The following RAB8A variants were observed in gnomAD, a reference collection of about 807,000 sequenced individuals.
RAB8A encodes the protein RAB8A, member RAS oncogene family.
Under a neutral mutation model 29.2 loss-of-function variants are expected in RAB8A, and 5 were observed. The observed-to-expected ratio is 0.17, with a 90% CI of 0.09 to 0.36. RAB8A has a LOEUF of 0.36. Among genes scored for constraint, RAB8A ranks in the 10% least tolerant of loss-of-function variants. The pLI is 1.00. For missense variants in RAB8A, 171 were observed against 272.2 expected, an observed-to-expected ratio of 0.63 and a Z score of 2.62; for synonymous variants, 108 against 99.9, an observed-to-expected ratio of 1.08 and a Z score of -0.49.
chr19:16,125,399 C>A lies in RAB8A; in HGVS notation c.247-71C>A. The A allele has an allele frequency of 7.3e-7, 1 of 1,365,742 alleles. No individual in the cohort carries two copies. Among genetic ancestry groups the A allele is most frequent in the Non-Finnish European group, 1.0e-6 (1 of 967,936 alleles). 84.6% of individuals were successfully genotyped at this position (1,365,742 alleles called of 1,614,324 possible). Reference sequence around the variant, plus strand: ...GTGCTGGGCTCCCCACCACTGTTCTCTGGTGCCGCTGAGGCCTCCCTTCCA... The same window carrying A: ...GTGCTGGGCTCCCCACCACTGTTCTATGGTGCCGCTGAGGCCTCCCTTCCA... On this transcript the variant is annotated intron_variant, in intron 3 of 7. Transcript: ENST00000300935. This position sits in a 1 kb window ranked among gnomAD's most constrained non-coding sequence, Gnocchi z 5.0.
chr19:16,131,854 GGTT>G (rs2090925867), intron 7 of RAB8A, among the ~76,000 whole-genome samples: 1 of 560 alleles, frequency 1.8e-3, no homozygotes, highest in African/African-American at 8.2e-3. Flanking sequence ...ATAGATGGAT[GGTT>G]GGTTGGTTGG....
chr19:16,132,322 T>C lies in RAB8A; in HGVS notation c.*18T>C. The C allele has an allele frequency of 6.2e-7, 1 of 1,611,318 alleles. No individual in the cohort carries two copies. Among genetic ancestry groups the C allele is most frequent in the Admixed American group, 1.7e-5 (1 of 59,848 alleles). Reference sequence around the variant, plus strand: ...TTCTGTGAGGAACACCGCCTTACTCTGAGCCTCGCTCAGCCCAGCTGACTG... The same window carrying C: ...TTCTGTGAGGAACACCGCCTTACTCCGAGCCTCGCTCAGCCCAGCTGACTG... On this transcript the variant is annotated 3_prime_UTR_variant, in exon 8 of 8. Coordinates refer to ENST00000300935, the MANE Select transcript of RAB8A (RefSeq NM_005370.5). This position sits in a 1 kb window ranked among gnomAD's most constrained non-coding sequence, Gnocchi z 5.6.
intron 1 of RAB8A, 128 bp downstream of exon 1, chr19:16,112,153 G>C: frequency 7.4e-7 from 1 of 1,348,670 alleles, no homozygotes; most frequent in Non-Finnish European, 1.0e-6. Context: ...GGGGCCTAAA[G>C]GGAGAAGAGC....
intron 7 of RAB8A, among the ~76,000 whole-genome samples, chr19:16,130,687 G>A (rs1323507626): frequency 1.3e-5 from 2 of 151,388 alleles, no homozygotes; most frequent in Non-Finnish European, 2.9e-5. Context: ...GTCTCACTTT[G>A]CCACCTAGGC....
intron 2 of RAB8A, among the ~76,000 whole-genome samples, chr19:16,119,906 T>C (rs1222488982): frequency 6.6e-6 from 1 of 151,790 alleles, no homozygotes; most frequent in Non-Finnish European, 1.5e-5. Flanking sequence ...CTCCGCCTCC[T>C]GGGTTCAGGC....
At position 16,125,982 on chromosome 19, in the gene RAB8A, A is replaced by G. The variant is rs1401419814; in HGVS notation, c.324+435A>G. ...CCTGGTACAAACGACCTGTGTTCAG[A>G]CCTTGAACCATAGAGCAGTGAGAAG... On this transcript the variant is annotated intron_variant, in intron 4 of 7. Coordinates refer to ENST00000300935, the MANE Select transcript of RAB8A (RefSeq NM_005370.5). The surrounding 1 kb of genome is among the most constrained non-coding windows in gnomAD (Gnocchi z 5.0). 4 of 295,448 alleles carry G rather than the reference A, an allele frequency of 1.4e-5. No individual in the cohort carries two copies. Among genetic ancestry groups the G allele is most frequent in the East Asian group, 1.5e-4 (2 of 13,016 alleles). The allele number at this position is 295,448 out of a possible 1,614,324, so 18.3% of individuals were successfully genotyped here. A position where few individuals can be genotyped will look rare whatever the true frequency, so the allele number is the denominator to read the frequency against.
Position 16,132,413 on chromosome 19 carries a change from G to A in RAB8A, c.*109G>A, listed in dbSNP as rs1056145638. The A allele has an allele frequency of 5.4e-5, 56 of 1,029,956 alleles. No individual in the cohort carries two copies. The highest frequency in any genetic ancestry group is 9.7e-5 in the Admixed American group (4 of 41,242). 63.8% of individuals were successfully genotyped at this position (1,029,956 alleles called of 1,614,324 possible). On this transcript the variant is annotated 3_prime_UTR_variant, in exon 8 of 8. Coordinates refer to ENST00000300935, the MANE Select transcript of RAB8A (RefSeq NM_005370.5). The surrounding 1 kb of genome is among the most constrained non-coding windows in gnomAD (Gnocchi z 5.6). ...CCACCTCCAACGCCCCGCCCACGCC[G>A]CGGCCACCGGGCCCACGGCCACCAG...
intron 1 of RAB8A, among the ~76,000 whole-genome samples, chr19:16,115,943 C>G (rs2090844219): frequency 6.6e-6 from 1 of 152,222 alleles, no homozygotes; most frequent in South Asian, 2.1e-4. Context: ...GGCACTTGAA[C>G]AAACTCCTGG....
intron 3 of RAB8A, among the ~76,000 whole-genome samples, chr19:16,123,479 T>C (rs963215615): frequency 6.6e-6 from 1 of 152,124 alleles, no homozygotes; most frequent in Non-Finnish European, 1.5e-5. Context: ...TGGTGGCGGA[T>C]GCCTGTAATC....
intron 1 of RAB8A, among the ~76,000 whole-genome samples, chr19:16,117,488 CAA>C (rs111522838): frequency 3.7e-5 from 5 of 135,822 alleles, no homozygotes; most frequent in African/African-American, 2.7e-5. Flanking sequence ...GACTCCATCT[CAA>C]AAAAAAAAAA....
chr19:16,127,493 C>A lies in RAB8A; in HGVS notation c.381C>A (p.Asp127Glu). Residue 127 changes from aspartate to glutamate, a missense_variant, in exon 5 of 8, where the codon GAC (aspartate) becomes GAA (glutamate). By Grantham distance (45) the Asp-to-Glu change is conservative. Around this residue, in one of 3 missense-constraint regions of RAB8A, gnomAD observed 145 missense variants for 212.8 expected, o/e 0.68. Coordinates refer to ENST00000300935, the MANE Select transcript of RAB8A (RefSeq NM_005370.5). The surrounding 1 kb of genome is among the most constrained non-coding windows in gnomAD (Gnocchi z 4.8). ...TCGGGAACAAGTGTGATGTGAATGA[C>A]AAGAGACAAGTTTCCAAGGAACGGG... is the stretch of plus-strand genomic sequence containing the variant. ...MILGNKCDVN[D>E]KRQVSKERGE... The A allele has an allele frequency of 6.5e-7, 1 of 1,541,528 alleles. No homozygotes were observed. Among genetic ancestry groups the A allele is most frequent in the South Asian group, 1.3e-5 (1 of 78,386 alleles).
chr19:16,129,484 C>T (rs1379662481), intron 6 of RAB8A, 70 bp from the exon 7 acceptor site: 10 of 1,494,410 alleles, frequency 6.7e-6, no homozygotes, highest in South Asian at 3.4e-5. Context: ...TCACCACACC[C>T]GCTGTACACG....
chr19:16,113,402 T>TATTTG (rs1279820367), intron 1 of RAB8A, among the ~76,000 whole-genome samples: 7 of 152,072 alleles, frequency 4.6e-5, no homozygotes, highest in African/African-American at 1.7e-4. Context: ...TTATTTATTT[T>TATTTG]ATTTTATTTT....
chr19:16,127,571 G>A lies in RAB8A; in HGVS notation c.414+45G>A. The A allele has an allele frequency of 7.1e-7, 1 of 1,411,158 alleles. No individual in the cohort carries two copies. The highest frequency in any genetic ancestry group is 9.5e-7 in the Non-Finnish European group (1 of 1,054,170). The allele number at this position is 1,411,158 out of a possible 1,614,324, so 87.4% of individuals were successfully genotyped here. A position where few individuals can be genotyped will look rare whatever the true frequency, so the allele number is the denominator to read the frequency against. ...GGGCAGAGGGCCTCGGGGTCTTGGG[G>A]TTCTTGTGCAGAGGCCTTCCCCTGT... On this transcript the variant is annotated intron_variant, in intron 5 of 7. Transcript: ENST00000300935. The surrounding 1 kb of genome is among the most constrained non-coding windows in gnomAD (Gnocchi z 4.8).
At chr19:16,120,423 G>A (rs904298230) in intron 2 of RAB8A, among the ~76,000 whole-genome samples, 3 of 147,072 alleles carry the variant, frequency 2.0e-5, no homozygotes, top group South Asian at 2.1e-4. Flanking sequence ...AGCAATTCTC[G>A]TGCTTCAGCT....
chr19:16,117,881 G>A (rs1237466343), intron 1 of RAB8A, among the ~76,000 whole-genome samples: 2 of 152,180 alleles, frequency 1.3e-5, no homozygotes, highest in African/African-American at 4.8e-5. Flanking sequence ...GCTGCAGGGT[G>A]TTGGGGAGCA....
chr19:16,118,825 A>G (rs1198272650), intron 2 of RAB8A, among the ~76,000 whole-genome samples: 1 of 152,208 alleles, frequency 6.6e-6, no homozygotes, highest in African/African-American at 2.4e-5. Context: ...ACCTGTTTCC[A>G]TTCCTGAGAA....
intron 3 of RAB8A, chr19:16,124,990 G>GGTGGT: frequency 4.9e-6 from 1 of 204,670 alleles, no homozygotes; most frequent in South Asian, 8.2e-5. Context: ...TGTGGATGTC[G>GGTGGT]GGTCAGGACT....
chr19:16,127,542 C>G lies in RAB8A; in HGVS notation c.414+16C>G. 6.6e-7 allele frequency: 1 copy of G among 1,504,648 alleles called. No individual in the cohort carries two copies. Among genetic ancestry groups the G allele is most frequent in the Non-Finnish European group, 8.9e-7 (1 of 1,125,710 alleles). 93.2% of individuals were successfully genotyped at this position (1,504,648 alleles called of 1,614,324 possible). A position where few individuals can be genotyped will look rare whatever the true frequency, so the allele number is the denominator to read the frequency against. ...GGGAGAAAAGGTGGGCATGGTGGCA[C>G]AAGGGGCAGAGGGCCTCGGGGTCTT... is the stretch of plus-strand genomic sequence containing the variant. On this transcript the variant is annotated intron_variant, in intron 5 of 7. Coordinates refer to ENST00000300935, the MANE Select transcript of RAB8A (RefSeq NM_005370.5). The surrounding 1 kb of genome is among the most constrained non-coding windows in gnomAD (Gnocchi z 4.8).
Sources: allele counts gnomAD v4.1 joint callset (sites outside exome capture counted in the v4.1 genomes callset), GRCh38; gene constraint gnomAD v4.1.1; regional missense constraint gnomAD v4.1.1; non-coding constraint Gnocchi (gnomAD v3.1); transcripts MANE v1.5; gene names NCBI Gene and HGNC (gene_info 2026-07-23, HGNC 2026-07-21).